Variants in HIVEP3 observed in about 807,000 individuals in gnomAD.
HIVEP3 encodes the protein transcription factor HIVEP3.
A neutral mutation model predicts 152.8 loss-of-function variants in HIVEP3; 49 were observed. The observed-to-expected ratio is 0.32, with a 90% CI of 0.26 to 0.41. HIVEP3 has a LOEUF of 0.41. Among genes scored for constraint, HIVEP3 ranks in the 10% least tolerant of loss-of-function variants. The probability of loss-of-function intolerance (pLI) is 1.00; values close to 1 mark genes in which losing one functional copy is unlikely to be tolerated. For synonymous variants in HIVEP3, 1,269 were observed against 1,289.0 expected (o/e 0.98, Z 0.33); for missense variants, 2,790 against 3,103.3 (o/e 0.90, Z 2.40).
chr1:41,912,645 CA>C (rs568005086), intron 1 of HIVEP3, among the ~76,000 whole-genome samples: 1 of 152,222 alleles, frequency 6.6e-6, no homozygotes, highest in East Asian at 1.9e-4. Context: ...GTTTTTTTCT[CA>C]AACTTTGAAA....
intron 1 of HIVEP3, among the ~76,000 whole-genome samples, chr1:41,956,163 G>C (rs2124494696): frequency 6.6e-6 from 1 of 152,284 alleles, no homozygotes; most frequent in East Asian, 1.9e-4. Context: ...TCAGGAGAAG[G>C]GAAAAAGCAA....
At chr1:41,972,460 C>A (rs183192397) in intron 1 of HIVEP3, among the ~76,000 whole-genome samples, 116 of 152,300 alleles carry the variant, frequency 7.6e-4, no homozygotes, top group Admixed American at 2.0e-3. Flanking sequence ...TAGACATGGA[C>A]AAGGAGGGTC....
chr1:41,766,839 T>C lies in HIVEP3; in HGVS notation c.-800-65844A>G, dbSNP rs571418977. Among the ~76,000 whole-genome samples, 5 of 152,326 alleles carry C rather than the reference T, an allele frequency of 3.3e-5. No homozygotes were observed. The South Asian group carries it at 1.0e-3, about 32-fold the overall frequency. On this transcript the variant is annotated intron_variant, in intron 1 of 8. Coordinates refer to ENST00000372583, the MANE Select transcript of HIVEP3 (RefSeq NM_024503.5). ...AACACTCTCAGCCTTGTGGAAGCCA[T>C]GTCAAGAATGAACAGTCTCTTGGAA...
At chr1:41,740,770 G>A (rs1405188479) in intron 1 of HIVEP3, among the ~76,000 whole-genome samples, 1 of 152,224 alleles carries the variant, frequency 6.6e-6, no homozygotes, top group Non-Finnish European at 1.5e-5. Context: ...TGCACAAGGA[G>A]TCTGCAGTCA....
intron 1 of HIVEP3, among the ~76,000 whole-genome samples, chr1:41,926,275 C>T (rs1053779458): frequency 6.6e-6 from 1 of 152,224 alleles, no homozygotes; most frequent in Non-Finnish European, 1.5e-5. Context: ...CACACCTCCC[C>T]TGACCTGCAC....
At chr1:41,730,216 T>C (rs377368683) in intron 1 of HIVEP3, among the ~76,000 whole-genome samples, 16 of 152,312 alleles carry the variant, frequency 1.1e-4, no homozygotes, top group Admixed American at 8.5e-4. Flanking sequence ...GGAGCTGACA[T>C]GATTCAGCTC....
chr1:41,787,275 T>C (rs556395840), intron 1 of HIVEP3, among the ~76,000 whole-genome samples: 6 of 152,316 alleles, frequency 3.9e-5, no homozygotes, highest in African/African-American at 1.4e-4. Flanking sequence ...ACTGCAGTAC[T>C]TCCCAAACAG....
At chr1:41,806,908 C>T (rs763578848) in intron 1 of HIVEP3, among the ~76,000 whole-genome samples, 9 of 152,104 alleles carry the variant, frequency 5.9e-5, no homozygotes, top group Non-Finnish European at 1.2e-4. Flanking sequence ...CCTCACCCCA[C>T]GCCCCACCCA....
chr1:41,834,270 C>T (rs142049770), intron 1 of HIVEP3, among the ~76,000 whole-genome samples: 1 of 152,278 alleles, frequency 6.6e-6, no homozygotes, highest in East Asian at 1.9e-4. Context: ...TCTTCATTGA[C>T]ACCCCCATTC....
At chr1:41,853,314 G>A (rs1373687248) in intron 1 of HIVEP3, among the ~76,000 whole-genome samples, 1 of 152,156 alleles carries the variant, frequency 6.6e-6, no homozygotes, top group Admixed American at 6.5e-5. Flanking sequence ...GATTTATAAA[G>A]GAAAGAGGTT....
At position 41,545,417 on chromosome 1, in the gene HIVEP3, C is replaced by T. The variant is rs1350324430; in HGVS notation, c.5208-20507G>A. On this transcript the variant is annotated intron_variant, in intron 5 of 8. Transcript: ENST00000372583. ...ATACCACTACCACCAATACCACCATCGCTACAATCACCACCACCACCACCT... is the reference window on the plus strand; with the variant it reads ...ATACCACTACCACCAATACCACCATTGCTACAATCACCACCACCACCACCT... Among the ~76,000 whole-genome samples the T allele has an allele frequency of 9.8e-4, 137 of 139,546 alleles. 1 individual carries two copies. The highest frequency in any genetic ancestry group is 3.3e-3 in the African/African-American group (121 of 36,274). The allele number at this position is 139,546 out of a possible 152,430, so 91.5% of individuals were successfully genotyped here.
intron 1 of HIVEP3, among the ~76,000 whole-genome samples, chr1:41,836,107 C>T (rs1254366765): frequency 6.6e-6 from 1 of 152,176 alleles, no homozygotes; most frequent in Non-Finnish European, 1.5e-5. Context: ...TGTTTTGAGT[C>T]CCATGATCCT....
intron 1 of HIVEP3, among the ~76,000 whole-genome samples, chr1:41,891,445 G>A (rs1018341888): frequency 4.6e-5 from 7 of 152,260 alleles, no homozygotes; most frequent in African/African-American, 9.6e-5. Context: ...GTGGTGTCAC[G>A]GGGCAGAAGG....
chr1:41,741,876 T>G (rs1045778343), intron 1 of HIVEP3, among the ~76,000 whole-genome samples: 1 of 152,228 alleles, frequency 6.6e-6, no homozygotes, highest in Non-Finnish European at 1.5e-5. Context: ...GCCAGAAACA[T>G]AGTAGGTACT....
rs746729761 is a variant in HIVEP3, at chr1:41,584,495, T to C, written c.303A>G (p.Thr101=). ...HISQLPQHPL[T]PAFMSPGKPE... ...GTTTGCCAGGCGACATGAATGCTGG[T>C]GTCAGAGGGTGCTGCGGAAGCTGTG... Residue 101 remains threonine, a synonymous_variant, in exon 4 of 9, where the codon ACA becomes ACG. Coordinates refer to ENST00000372583, the MANE Select transcript of HIVEP3 (RefSeq NM_024503.5). The surrounding 1 kb of genome is among the most constrained non-coding windows in gnomAD (Gnocchi z 5.2). 6.2e-7 allele frequency: 1 copy of C among 1,613,906 alleles called. No individual in the cohort carries two copies.
chr1:41,822,278 C>T (rs1558299336), intron 1 of HIVEP3, among the ~76,000 whole-genome samples: 1 of 152,184 alleles, frequency 6.6e-6, no homozygotes, highest in African/African-American at 2.4e-5. Context: ...TCTGAAAGAA[C>T]AGTAGTATAA....
chr1:41,836,915 CT>C (rs1643140103), intron 1 of HIVEP3, among the ~76,000 whole-genome samples: 1 of 152,208 alleles, frequency 6.6e-6, no homozygotes, highest in African/African-American at 2.4e-5. Context: ...ACATCATGGT[CT>C]TTTTTCCACT....
chr1:41,885,740 C>T (rs1644335898), intron 1 of HIVEP3, among the ~76,000 whole-genome samples: 1 of 149,794 alleles, frequency 6.7e-6, no homozygotes, highest in Admixed American at 6.6e-5. Flanking sequence ...CTCCTCTTCC[C>T]CTTTCCCTTC....
intron 2 of HIVEP3, among the ~76,000 whole-genome samples, chr1:41,686,462 C>A (rs1646117760): frequency 6.6e-6 from 1 of 152,182 alleles, no homozygotes; most frequent in Non-Finnish European, 1.5e-5. Flanking sequence ...GGGGAGAAAG[C>A]AAGGAGTAGG....
Sources: allele counts gnomAD v4.1 joint callset (sites outside exome capture counted in the v4.1 genomes callset), GRCh38; gene constraint gnomAD v4.1.1; non-coding constraint Gnocchi (gnomAD v3.1); transcripts MANE v1.5; gene names NCBI Gene and HGNC (gene_info 2026-07-23, HGNC 2026-07-21).